The following HNF4G variants were observed in gnomAD, a reference collection of about 807,000 sequenced individuals.
HNF4G encodes hepatocyte nuclear factor 4-gamma.
A neutral mutation model predicts 50.9 loss-of-function variants in HNF4G; 21 were observed. The observed-to-expected ratio is 0.41, with a 90% CI of 0.29 to 0.59. The LOEUF (loss-of-function observed/expected upper bound fraction) is 0.59, where lower values mean the gene tolerates loss of function less well. Among genes scored for constraint, HNF4G ranks in the 20% least tolerant of loss-of-function variants. The pLI is 0.26. For missense variants in HNF4G, 527 were observed against 559.4 expected (o/e 0.94, Z 0.58); for synonymous variants, 198 against 185.6 (o/e 1.07, Z -0.54).
At chr8:75,505,986 A>G (rs1813069261) in intron 2 of HNF4G, among the ~76,000 whole-genome samples, 1 of 152,010 alleles carries the variant, frequency 6.6e-6, no homozygotes, top group Non-Finnish European at 1.5e-5. Flanking sequence ...GCAAAATTGA[A>G]CTTTTAAAAT....
chr8:75,510,031 A>G (rs1805704813), intron 2 of HNF4G, among the ~76,000 whole-genome samples: 2 of 152,158 alleles, frequency 1.3e-5, no homozygotes, highest in African/African-American at 4.8e-5. Flanking sequence ...ATCATAGGTG[A>G]TGGCAGCTCC....
intron 1 of HNF4G, among the ~76,000 whole-genome samples, chr8:75,465,235 T>C (rs1358874286): frequency 6.6e-6 from 1 of 152,198 alleles, no homozygotes; most frequent in East Asian, 1.9e-4. Context: ...TTTAAGATAA[T>C]ATACATAACT....
At chr8:75,560,550 A>G in intron 9 of HNF4G, 84 bp downstream of exon 9, 1 of 1,392,926 alleles carries the variant, frequency 7.2e-7, no homozygotes, top group Non-Finnish European at 9.8e-7. Context: ...TCTATTAGTA[A>G]CCAGAAATGG....
At chr8:75,534,460 A>C (rs1434725396) in intron 2 of HNF4G, among the ~76,000 whole-genome samples, 1 of 151,886 alleles carries the variant, frequency 6.6e-6, no homozygotes, top group African/African-American at 2.4e-5. Context: ...CATTTAGCTC[A>C]GAGCTGTGCA....
chr8:75,519,370 T>C (rs1167458688), intron 2 of HNF4G, among the ~76,000 whole-genome samples: 2 of 152,224 alleles, frequency 1.3e-5, no homozygotes, highest in African/African-American at 4.8e-5. Context: ...CCTCTGCCTG[T>C]TTCCCAGTTC....
upstream of HNF4G, among the ~76,000 whole-genome samples, chr8:75,536,429 T>G (rs1806466190): frequency 6.6e-6 from 1 of 152,012 alleles, no homozygotes; most frequent in African/African-American, 2.4e-5. Context: ...TACTATCACT[T>G]AGGCATAAAA....
intron 2 of HNF4G, among the ~76,000 whole-genome samples, chr8:75,526,705 A>AAAT (rs1473808721): frequency 4.3e-5 from 6 of 140,602 alleles, no homozygotes; most frequent in African/African-American, 1.3e-4. Flanking sequence ...ACTAATTAAA[A>AAAT]TTTTTTTTTT....
chr8:75,444,995 C>A (rs1240039999), intron 1 of HNF4G, among the ~76,000 whole-genome samples: 1 of 150,218 alleles, frequency 6.7e-6, no homozygotes, highest in Admixed American at 6.6e-5. Context: ...AGCACCACAC[C>A]ACACCTATTC....
At chr8:75,454,025 T>TTCTCTCTCTC (rs58676228) in intron 1 of HNF4G, among the ~76,000 whole-genome samples, 32 of 133,836 alleles carry the variant, frequency 2.4e-4, no homozygotes, top group African/African-American at 8.6e-4. Flanking sequence ...AAGAAGAAAT[T>TTCTCTCTCTC]TCTCTCTCTC....
At chr8:75,466,234 T>C (rs527943096) in intron 1 of HNF4G, among the ~76,000 whole-genome samples, 9 of 152,158 alleles carry the variant, frequency 5.9e-5, no homozygotes, top group Non-Finnish European at 1.3e-4. Flanking sequence ...GGGATTATTT[T>C]GTTAATACAT....
chr8:75,542,612 C>T (rs954348532), intron 1 of HNF4G, among the ~76,000 whole-genome samples: 16 of 150,068 alleles, frequency 1.1e-4, no homozygotes, highest in African/African-American at 3.7e-4. Flanking sequence ...ATACTGGGAT[C>T]AGAGATTTCG....
Position 75,565,597 on chromosome 8 carries a change from G to A in HNF4G, c.*1501G>A, listed in dbSNP as rs1051168542. On this transcript the variant is annotated 3_prime_UTR_variant, in exon 10 of 10. Coordinates refer to ENST00000396423, the MANE Select transcript of HNF4G (RefSeq NM_004133.5). Reference sequence around the variant, plus strand: ...GAAGCATGGGCCACCTCATGATGCAGTGGCTCCTCTCTGGTTGAGGAGAGG... The same window carrying A: ...GAAGCATGGGCCACCTCATGATGCAATGGCTCCTCTCTGGTTGAGGAGAGG... 1.3e-5 allele frequency: 2 copies of A among 152,112 alleles called. No individual in the cohort carries two copies. Among genetic ancestry groups the A allele is most frequent in the Admixed American group, 6.6e-5 (1 of 15,258 alleles). The allele number at this position is 152,112 out of a possible 1,614,324, so 9.4% of individuals were successfully genotyped here.
At position 75,543,932 on chromosome 8, in the gene HNF4G, G is replaced by A; in HGVS notation, c.240G>A (p.Lys80=). The A allele has an allele frequency of 1.2e-6, 2 of 1,607,406 alleles. No individual in the cohort carries two copies. Among genetic ancestry groups the A allele is most frequent in the Admixed American group, 1.7e-5 (1 of 59,344 alleles). The change falls in exon 2 of 10, where the codon AAG becomes AAA. Residue 80 remains lysine, a synonymous_variant. Transcript: ENST00000396423. ...HYGASSCDGC[K]GFFRRSIRKS... The stretch of plus-strand genomic sequence containing the variant: ...GGGCATCCAGCTGTGATGGGTGCAA[G>A]GGTTTCTTCAGACGCAGCATTCGTA...
rs545579376 is a variant in HNF4G at position 75,453,345 on chromosome 8, T to G, written c.-143-36744T>G. On this transcript the variant is annotated intron_variant, in intron 1 of 10. Transcript: ENST00000354370. ...AGTGCTCTGTAGCTAGCTAGAGGTT[T>G]GTAAAATGCACCAATCAGTGCTCTG... Among the ~76,000 whole-genome samples, 3 of 152,178 alleles carry G rather than the reference T, an allele frequency of 2.0e-5. No homozygotes were observed. The South Asian group carries it at 6.2e-4, about 32-fold the overall frequency.
At chr8:75,502,394 G>A (rs1812954238) in intron 2 of HNF4G, among the ~76,000 whole-genome samples, 1 of 152,094 alleles carries the variant, frequency 6.6e-6, no homozygotes, top group Non-Finnish European at 1.5e-5. Context: ...TTATAAACCT[G>A]CATTACAAAA....
At chr8:75,531,795 A>G (rs1806333232) in intron 2 of HNF4G, among the ~76,000 whole-genome samples, 1 of 152,148 alleles carries the variant, frequency 6.6e-6, no homozygotes, top group Non-Finnish European at 1.5e-5. Flanking sequence ...ATATGCAAAT[A>G]CTATGCCATT....
chr8:75,541,935 T>G (rs1393571574), intron 1 of HNF4G, among the ~76,000 whole-genome samples: 5 of 151,998 alleles, frequency 3.3e-5, no homozygotes, highest in Non-Finnish European at 7.4e-5. Context: ...TGTGTAAAGA[T>G]GGGTAATAAA....
intron 1 of HNF4G, among the ~76,000 whole-genome samples, chr8:75,444,038 G>A (rs1811359226): frequency 6.6e-6 from 1 of 152,128 alleles, no homozygotes; most frequent in South Asian, 2.1e-4. Flanking sequence ...GAAAGGTCGG[G>A]TTACCCTCAA....
chr8:75,540,292 G>GT (rs1806578695), intron 1 of HNF4G, among the ~76,000 whole-genome samples: 1 of 152,084 alleles, frequency 6.6e-6, no homozygotes, highest in Non-Finnish European at 1.5e-5. Context: ...AAAAAGCCTG[G>GT]TTTTGTGTAA....
Sources: gnomAD v4.1 joint callset for allele counts (sites outside exome capture counted in the v4.1 genomes callset) on GRCh38, gnomAD v4.1.1 for gene constraint, MANE v1.5 for transcripts, NCBI Gene and HGNC (gene_info 2026-07-23, HGNC 2026-07-21) for gene names.